The following AOPEP variants were observed in gnomAD, a reference collection of about 807,000 sequenced individuals.
AOPEP encodes aminopeptidase O.
Under a neutral mutation model 98.1 loss-of-function variants are expected in AOPEP, and 77 were observed. That is an observed-to-expected ratio of 0.78 (90% CI 0.65 to 0.95). The LOEUF (loss-of-function observed/expected upper bound fraction) is 0.95, where lower values mean the gene tolerates loss of function less well. Among genes scored for constraint, AOPEP ranks in the 40% least tolerant of loss-of-function variants. The probability of loss-of-function intolerance (pLI) is 0.00; values close to 1 mark genes in which losing one functional copy is unlikely to be tolerated. For synonymous variants in AOPEP, 346 were observed against 365.3 expected (o/e 0.95, Z 0.60); for missense variants, 1,024 against 1,024.7 (o/e 1.00, Z 0.01).
intron 8 of AOPEP, 113 bp from the exon 9 acceptor site, chr9:94,955,786 AGGTAGGACG>A: frequency 1.6e-6 from 1 of 629,532 alleles, no homozygotes; most frequent in Admixed American, 2.5e-5. Flanking sequence ...AGCCAGGGAC[AGGTAGGACG>A]GCACATTCTA....
At chr9:94,872,977 T>C (rs1379438928) in intron 5 of AOPEP, among the ~76,000 whole-genome samples, 1 of 151,790 alleles carries the variant, frequency 6.6e-6, no homozygotes, top group Non-Finnish European at 1.5e-5. Context: ...GAACCCAGAG[T>C]CCAGGAGAGG....
intron 2 of AOPEP, among the ~76,000 whole-genome samples, chr9:94,761,814 T>C (rs1348032327): frequency 3.9e-5 from 6 of 152,224 alleles, no homozygotes; most frequent in African/African-American, 1.2e-4. Context: ...TAGAATACCT[T>C]ATTAGATAGT....
intron 5 of AOPEP, among the ~76,000 whole-genome samples, chr9:94,828,426 GT>G (rs1227464602): frequency 6.6e-6 from 1 of 152,130 alleles, no homozygotes; most frequent in Non-Finnish European, 1.5e-5. Flanking sequence ...TGTTTTGCCT[GT>G]GGATATCTAC....
At chr9:94,891,069 C>T (rs1038520026) in intron 5 of AOPEP, among the ~76,000 whole-genome samples, 6 of 152,314 alleles carry the variant, frequency 3.9e-5, no homozygotes, top group East Asian at 1.9e-4. Context: ...TGTAGATTGC[C>T]GGTTTCTCCT....
Position 94,955,998 on chromosome 9 carries a change from C to T in AOPEP, c.1855C>T (p.Gln619Ter), listed in dbSNP as rs913133416. The change falls in exon 9 of 17, where the codon CAG becomes TAG. Residue 619 changes from glutamine (Q) to a stop codon, truncating the protein, a stop_gained. Transcript: ENST00000375315. LOFTEE classifies it high-confidence loss of function. ...AAAATTTGTGCACACATTTCATGGACAGCTGATTCTTTCCCAGGTAACTTA... is the reference window on the plus strand; with the variant it reads ...AAAATTTGTGCACACATTTCATGGATAGCTGATTCTTTCCCAGGTAACTTA... ...LRKFVHTFHG[Q>*]LILSQDFLQM... The T allele has an allele frequency of 2.4e-5, 38 of 1,610,426 alleles. No individual in the cohort carries two copies. Among genetic ancestry groups the T allele is most frequent in the Non-Finnish European group, 3.1e-5 (37 of 1,177,126 alleles).
In AOPEP at chr9:94,800,824, G is replaced by A. The variant is rs1848058814; in HGVS notation, c.1186G>A (p.Glu396Lys). 3 of 1,614,144 alleles carry A rather than the reference G, an allele frequency of 1.9e-6. No homozygotes were observed. The highest frequency in any genetic ancestry group is 2.2e-5 in the East Asian group (1 of 44,888). The change falls in exon 5 of 17, where the codon GAG (glutamate) becomes AAG (lysine). Residue 396 changes from glutamate to lysine, a missense_variant. By Grantham distance (56) the Glu-to-Lys change is moderately conservative (BLOSUM62 1). Transcript: ENST00000375315. The part of the protein sequence containing the change: ...RFQNASATTQ[E>K]IIPHRVFAPV... ...CCAGAATGCTTCTGCCACCACCCAGGAGATCATTCCTCATCGGGTCTTTGC... is the reference window on the plus strand; with the variant it reads ...CCAGAATGCTTCTGCCACCACCCAGAAGATCATTCCTCATCGGGTCTTTGC...
chr9:94,732,187 A>T (rs1474244000), intron 1 of AOPEP, among the ~76,000 whole-genome samples: 1 of 151,840 alleles, frequency 6.6e-6, no homozygotes, highest in African/African-American at 2.4e-5. Context: ...GATGTAAGCA[A>T]CTTCTAGAAT....
At chr9:94,981,913 CT>C (rs2060209850) in intron 11 of AOPEP, among the ~76,000 whole-genome samples, 1 of 152,116 alleles carries the variant, frequency 6.6e-6, no homozygotes, top group East Asian at 1.9e-4. Flanking sequence ...GAAGACTTGC[CT>C]TGTGGTTGGC....
intron 2 of AOPEP, among the ~76,000 whole-genome samples, chr9:94,762,264 G>T (rs889604927): frequency 1.3e-5 from 2 of 151,826 alleles, no homozygotes; most frequent in Non-Finnish European, 2.9e-5. Context: ...TGGCTAACAC[G>T]GTGAAACCCT....
intron 1 of AOPEP, among the ~76,000 whole-genome samples, chr9:94,730,233 G>A (rs923746034): frequency 3.3e-5 from 5 of 149,558 alleles, no homozygotes; most frequent in African/African-American, 9.9e-5. Flanking sequence ...GTAGTGAGCC[G>A]AGTTTGCGCC....
Position 95,003,181 on chromosome 9 carries a change from T to C in AOPEP, c.1978-1977T>C, listed in dbSNP as rs12683055. On this transcript the variant is annotated intron_variant, in intron 11 of 16. Transcript: ENST00000375315. ...GTGTGTGTGTGCGCGCGCGCGCGCG[T>C]GTGTGACTGCAACCAGTTAAAAACT... 2.9e-3 allele frequency among the ~76,000 whole-genome samples: 423 copies of C among 145,580 alleles called. 1 individual carries two copies. Among genetic ancestry groups the C allele is most frequent in the African/African-American group, 8.4e-3 (336 of 39,852 alleles).
intron 7 of AOPEP, among the ~76,000 whole-genome samples, chr9:94,953,234 A>T (rs949841121): frequency 1.3e-5 from 2 of 152,172 alleles, no homozygotes; most frequent in African/African-American, 4.8e-5. Context: ...GCAGTGAAAA[A>T]AGCTGATTCT....
At chr9:95,093,132 T>G in the AOPEP span, among the ~76,000 whole-genome samples, 8 of 151,874 alleles carry the variant, frequency 5.3e-5, no homozygotes, top group Admixed American at 1.3e-4. Flanking sequence ...GATGATTGTA[T>G]CTGCTTTACT....
chr9:94,848,447 G>A (rs181602473), intron 5 of AOPEP, among the ~76,000 whole-genome samples: 1,834 of 72,890 alleles, frequency 0.025, 41 homozygotes, highest in African/African-American at 0.082. Context: ...GCGAGACTCC[G>A]TCTCAAAAAA....
chr9:95,072,751 C>T (rs2068637396), intron 14 of AOPEP, among the ~76,000 whole-genome samples: 1 of 152,180 alleles, frequency 6.6e-6, no homozygotes, highest in Non-Finnish European at 1.5e-5. Flanking sequence ...TTACCATATC[C>T]TAGTTAAAAT....
rs891091816 is a variant in AOPEP at position 94,851,094 on chromosome 9, T to C, written c.1364+50092T>C. On this transcript the variant is annotated intron_variant, in intron 5 of 16. Transcript: ENST00000375315. ...GAAGCGGAGCTCTGACAGTCTATACTTGGAGGTGCCCATCCCTGTGCCTTT... is the reference window on the plus strand; with the variant it reads ...GAAGCGGAGCTCTGACAGTCTATACCTGGAGGTGCCCATCCCTGTGCCTTT... Among the ~76,000 whole-genome samples, 7 of 152,206 alleles carry C rather than the reference T, an allele frequency of 4.6e-5. No individual in the cohort carries two copies. The East Asian group carries it at 1.3e-3, about 29-fold the overall frequency.
At chr9:94,848,451 C>CAAAAAA (rs35685082) in intron 5 of AOPEP, among the ~76,000 whole-genome samples, 3 of 75,804 alleles carry the variant, frequency 4.0e-5, no homozygotes, top group African/African-American at 6.1e-5. Flanking sequence ...GACTCCGTCT[C>CAAAAAA]AAAAAAAAAA....
At chr9:95,119,027 T>C in the AOPEP span, among the ~76,000 whole-genome samples, 1 of 152,210 alleles carries the variant, frequency 6.6e-6, no homozygotes, top group Non-Finnish European at 1.5e-5. Context: ...CCACCAGCAA[T>C]GTATGTGAAT....
At chr9:94,935,056 G>C (rs2056042130) in intron 7 of AOPEP, 1 of 152,248 alleles carries the variant, frequency 6.6e-6, no homozygotes, top group South Asian at 2.1e-4. Context: ...GTTGGAGGTG[G>C]GGCCTGGCGG....
Sources: allele counts gnomAD v4.1 joint callset (sites outside exome capture counted in the v4.1 genomes callset), GRCh38; gene constraint gnomAD v4.1.1; transcripts MANE v1.5; gene names NCBI Gene and HGNC (gene_info 2026-07-23, HGNC 2026-07-21).